CLVS1: variants seen among roughly 807,000 people sequenced by gnomAD.
The protein encoded by CLVS1 is clavesin-1.
A neutral mutation model predicts 33.1 loss-of-function variants in CLVS1; 10 were observed. The ratio of observed to expected loss-of-function variants is 0.30; its 90% CI spans 0.19 to 0.51. The LOEUF (loss-of-function observed/expected upper bound fraction) is 0.51, where lower values mean the gene tolerates loss of function less well. Ranked by LOEUF, CLVS1 falls within the 20% of genes least tolerant of loss-of-function variation. The pLI is 0.97. For synonymous variants in CLVS1, 163 were observed against 166.1 expected (o/e 0.98, Z 0.14); for missense variants, 343 against 433.4 (o/e 0.79, Z 1.85).
intron 2 of CLVS1, among the ~76,000 whole-genome samples, chr8:61,374,856 C>G (rs1813578616): frequency 6.6e-6 from 1 of 151,972 alleles, no homozygotes; most frequent in Non-Finnish European, 1.5e-5. Context: ...AGAACTACCC[C>G]CACTGGGTGG....
intron 1 of CLVS1, among the ~76,000 whole-genome samples, chr8:61,083,714 A>G (rs1259538867): frequency 6.6e-6 from 1 of 152,170 alleles, no homozygotes; most frequent in Non-Finnish European, 1.5e-5. Flanking sequence ...AACAGAGTAT[A>G]TAGATCTATG....
chr8:61,253,985 G>T (rs528850057), intron 2 of CLVS1, among the ~76,000 whole-genome samples: 1 of 152,222 alleles, frequency 6.6e-6, no homozygotes, highest in African/African-American at 2.4e-5. Flanking sequence ...CTTTGGAGGC[G>T]GAGAGGCGCT....
At chr8:61,262,946 G>A (rs919821733) in intron 2 of CLVS1, among the ~76,000 whole-genome samples, 2 of 152,158 alleles carry the variant, frequency 1.3e-5, no homozygotes, top group African/African-American at 4.8e-5. Flanking sequence ...GAAGCTGCCC[G>A]TGATTTAAGA....
intron 2 of CLVS1, among the ~76,000 whole-genome samples, chr8:61,230,260 T>G (rs912796861): frequency 1.3e-5 from 2 of 152,164 alleles, no homozygotes; most frequent in African/African-American, 2.4e-5. Context: ...AAGTTAAATA[T>G]CTTAAATGTT....
At chr8:61,362,316 ATTCCT>A (rs1437859680) in intron 2 of CLVS1, among the ~76,000 whole-genome samples, 1 of 152,168 alleles carries the variant, frequency 6.6e-6, no homozygotes, top group Non-Finnish European at 1.5e-5. Context: ...AGGAAAGAAT[ATTCCT>A]CATTTCATAC....
chr8:61,207,887 G>C (rs181548979), intron 2 of CLVS1, among the ~76,000 whole-genome samples: 3 of 152,324 alleles, frequency 2.0e-5, no homozygotes, highest in Admixed American at 2.0e-4. Flanking sequence ...AGGCAGCCCA[G>C]TTTACCTGGC....
At chr8:61,272,363 G>T (rs527562568) in intron 2 of CLVS1, among the ~76,000 whole-genome samples, 1 of 152,150 alleles carries the variant, frequency 6.6e-6, no homozygotes, top group Non-Finnish European at 1.5e-5. Context: ...TGAGAGATCC[G>T]CTGTTAGTCT....
At chr8:61,163,625 G>A (rs1478489181) in intron 2 of CLVS1, among the ~76,000 whole-genome samples, 1 of 152,202 alleles carries the variant, frequency 6.6e-6, no homozygotes, top group Non-Finnish European at 1.5e-5. Flanking sequence ...TGGCCTCACA[G>A]ATTCCAAGGA....
chr8:60,971,934 C>T, the CLVS1 span, among the ~76,000 whole-genome samples: 42 of 152,246 alleles, frequency 2.8e-4, no homozygotes, highest in South Asian at 6.4e-3. Flanking sequence ...CAAACTACCC[C>T]AAAACATTAT....
At chr8:61,248,562 A>G (rs1489699291) in intron 2 of CLVS1, among the ~76,000 whole-genome samples, 1 of 151,664 alleles carries the variant, frequency 6.6e-6, no homozygotes. Context: ...TGTGAATGGG[A>G]TTGCCTTTCT....
intron 2 of CLVS1, among the ~76,000 whole-genome samples, chr8:61,357,498 T>C (rs998161582): frequency 1.0e-5 from 1 of 95,440 alleles, no homozygotes; most frequent in Non-Finnish European, 2.1e-5. Flanking sequence ...TCTTTTCTTT[T>C]TTTTTTTTTT....
At chr8:61,187,647 GCCAGA>G (rs1179668979) in intron 2 of CLVS1, among the ~76,000 whole-genome samples, 5 of 120,786 alleles carry the variant, frequency 4.1e-5, no homozygotes, top group South Asian at 5.0e-4. Context: ...TGCCAGATAT[GCCAGA>G]TATATTCTAT....
intron 2 of CLVS1, among the ~76,000 whole-genome samples, chr8:61,275,500 C>A (rs1809542933): frequency 6.6e-6 from 1 of 152,110 alleles, no homozygotes; most frequent in African/African-American, 2.4e-5. Context: ...AGATTAAAGT[C>A]AGAACAAACT....
At chr8:61,288,275 TC>T (rs1563478463) in intron 1 of CLVS1, 137 bp downstream of exon 1, 1 of 456,496 alleles carries the variant, frequency 2.2e-6, no homozygotes, top group South Asian at 1.5e-5. Flanking sequence ...CTGCACTCCA[TC>T]CCTCCCGCAC....
intron 1 of CLVS1, among the ~76,000 whole-genome samples, chr8:61,074,062 G>A (rs542710432): frequency 3.4e-4 from 52 of 150,762 alleles, no homozygotes; most frequent in African/African-American, 1.3e-3. Flanking sequence ...GTAAGGCCAG[G>A]CATGGTGGCT....
chr8:61,123,075 G>T (rs1805906465), intron 1 of CLVS1, among the ~76,000 whole-genome samples: 1 of 143,204 alleles, frequency 7.0e-6, no homozygotes, highest in Non-Finnish European at 1.5e-5. Context: ...TTCAAGACCA[G>T]CCTGACCAGC....
intron 5 of CLVS1, chr8:61,465,568 C>G (rs2129607476): frequency 6.6e-6 from 1 of 152,218 alleles, no homozygotes; most frequent in South Asian, 2.1e-4. Context: ...TACAATAATG[C>G]CATGGTGGGC....
chr8:61,245,944 A>AT (rs1563460522), intron 2 of CLVS1, among the ~76,000 whole-genome samples: 12 of 146,236 alleles, frequency 8.2e-5, no homozygotes, highest in South Asian at 4.2e-4. Flanking sequence ...ATTAAAAAAA[A>AT]ATTTTTTTGG....
At chr8:61,339,057 T>C (rs1166389757) in intron 2 of CLVS1, among the ~76,000 whole-genome samples, 1 of 151,082 alleles carries the variant, frequency 6.6e-6, no homozygotes, top group African/African-American at 2.4e-5. Context: ...TGAGGATGCT[T>C]TGAGGTTGGA....
Sources: gnomAD v4.1 joint callset for allele counts (sites outside exome capture counted in the v4.1 genomes callset) on GRCh38, gnomAD v4.1.1 for gene constraint, MANE v1.5 for transcripts, NCBI Gene and HGNC (gene_info 2026-07-23, HGNC 2026-07-21) for gene names.